Variants in NTNG1 observed in about 807,000 individuals in gnomAD.
The protein encoded by NTNG1 is netrin G1.
Under a neutral mutation model 54.0 loss-of-function variants are expected in NTNG1, and 16 were observed. The observed-to-expected ratio is 0.30, with a 90% CI of 0.20 to 0.45. NTNG1 has a LOEUF of 0.45. Ranked by LOEUF, NTNG1 falls within the 20% of genes least tolerant of loss-of-function variation. The pLI, the probability that NTNG1 is intolerant of heterozygous loss-of-function variation, is 1.00. For synonymous variants in NTNG1, 255 were observed against 263.1 expected (o/e 0.97, Z 0.30); for missense variants, 530 against 678.7 (o/e 0.78, Z 2.43).
intron 4 of NTNG1, among the ~76,000 whole-genome samples, chr1:107,406,546 G>T (rs551420777): frequency 1.4e-4 from 21 of 152,128 alleles, no homozygotes; most frequent in Non-Finnish European, 2.8e-4. Flanking sequence ...CCAGCAAGGC[G>T]GTATAAAGCA....
chr1:107,366,898 T>C (rs1475685551), intron 3 of NTNG1, among the ~76,000 whole-genome samples: 1 of 152,210 alleles, frequency 6.6e-6, no homozygotes, highest in Non-Finnish European at 1.5e-5. Context: ...ATTTTAGTAT[T>C]CCAAGAAGCC....
At chr1:107,233,944 C>T (rs756336789) in intron 2 of NTNG1, among the ~76,000 whole-genome samples, 14 of 152,218 alleles carry the variant, frequency 9.2e-5, no homozygotes, top group Non-Finnish European at 7.4e-5. Flanking sequence ...TGCATTAGAT[C>T]GAGGGGCGGA....
chr1:107,325,047 G>A, intron 3 of NTNG1, 125 bp downstream of exon 3: 1 of 955,172 alleles, frequency 1.0e-6, no homozygotes, highest in Non-Finnish European at 1.5e-6. Flanking sequence ...GAACTCCACT[G>A]TAGAAGTAGG....
intron 2 of NTNG1, among the ~76,000 whole-genome samples, chr1:107,176,579 G>A (rs1204839758): frequency 6.6e-6 from 1 of 152,182 alleles, no homozygotes; most frequent in Non-Finnish European, 1.5e-5. Flanking sequence ...TAAGGGTGCT[G>A]TGATACTTAC....
At chr1:107,289,422 A>C (rs1665436164) in intron 2 of NTNG1, among the ~76,000 whole-genome samples, 1 of 152,144 alleles carries the variant, frequency 6.6e-6, no homozygotes, top group South Asian at 2.1e-4. Context: ...TGTTAATTTC[A>C]AAGCTTCATA....
Position 107,259,296 on chromosome 1 carries a change from A to C in NTNG1, c.247-64986A>C, listed in dbSNP as rs12058694. Among the ~76,000 whole-genome samples the C allele has an allele frequency of 4.0e-3, 612 of 152,262 alleles. 6 individuals are homozygous for C. The highest frequency in any genetic ancestry group is 0.014 in the African/African-American group (598 of 41,538). On this transcript the variant is annotated intron_variant, in intron 2 of 7. Coordinates refer to ENST00000370068, the MANE Select transcript of NTNG1 (RefSeq NM_001113226.3). ...TGCATTACTGGCTCTTTCACACTAAAGTGCCCACTAGATCAAGGTAGCAAG... is the reference window on the plus strand; with the variant it reads ...TGCATTACTGGCTCTTTCACACTAACGTGCCCACTAGATCAAGGTAGCAAG...
intron 2 of NTNG1, among the ~76,000 whole-genome samples, chr1:107,228,743 G>A (rs1660854189): frequency 6.6e-6 from 1 of 152,130 alleles, no homozygotes; most frequent in Non-Finnish European, 1.5e-5. Flanking sequence ...TACAATAATA[G>A]TGTTTCCTAA....
chr1:107,362,109 C>A (rs1306629021), intron 3 of NTNG1, among the ~76,000 whole-genome samples: 2 of 152,296 alleles, frequency 1.3e-5, no homozygotes, highest in East Asian at 3.9e-4. Flanking sequence ...ATCCAAAGAG[C>A]ACCCATCCCT....
chr1:107,280,877 T>TTTTAC (rs1027978350), intron 2 of NTNG1, among the ~76,000 whole-genome samples: 1 of 150,920 alleles, frequency 6.6e-6, no homozygotes, highest in Non-Finnish European at 1.5e-5. Context: ...TTTTATTTTA[T>TTTTAC]TTTATTTTAT....
intron 2 of NTNG1, among the ~76,000 whole-genome samples, chr1:107,217,139 C>A (rs1359630124): frequency 6.6e-6 from 1 of 152,046 alleles, no homozygotes; most frequent in East Asian, 1.9e-4. Context: ...ATTGGTCTGT[C>A]CAGAGTTTCT....
intron 3 of NTNG1, among the ~76,000 whole-genome samples, chr1:107,352,624 A>G (rs1193284558): frequency 6.6e-6 from 1 of 152,228 alleles, no homozygotes; most frequent in Non-Finnish European, 1.5e-5. Context: ...AGCCAAAAGA[A>G]AGGGGCTACA....
At chr1:107,467,204 G>A (rs1368089180) in intron 7 of NTNG1, among the ~76,000 whole-genome samples, 1 of 151,950 alleles carries the variant, frequency 6.6e-6, no homozygotes, top group Non-Finnish European at 1.5e-5. Flanking sequence ...TTTTCAAGAG[G>A]TAAGCAGCTA....
chr1:107,456,015 C>T (rs1490846843), intron 7 of NTNG1, among the ~76,000 whole-genome samples: 1 of 152,084 alleles, frequency 6.6e-6, no homozygotes, highest in Admixed American at 6.5e-5. Context: ...AGGATGCACC[C>T]ATTTCGAGAA....
chr1:107,428,016 C>T (rs1006234798), intron 5 of NTNG1, among the ~76,000 whole-genome samples: 1 of 152,024 alleles, frequency 6.6e-6, no homozygotes, highest in Non-Finnish European at 1.5e-5. Flanking sequence ...ATTTGGTTTT[C>T]TTACTCAGAT....
At chr1:107,215,567 A>G (rs1263366020) in intron 2 of NTNG1, among the ~76,000 whole-genome samples, 1 of 152,134 alleles carries the variant, frequency 6.6e-6, no homozygotes, top group Non-Finnish European at 1.5e-5. Context: ...AGGTAATGTA[A>G]TGCCTCCAGA....
intron 2 of NTNG1, among the ~76,000 whole-genome samples, chr1:107,212,573 T>G (rs1219830025): frequency 6.6e-6 from 1 of 152,180 alleles, no homozygotes; most frequent in Non-Finnish European, 1.5e-5. Context: ...TCACTGAACA[T>G]ATGAAAAGTT....
chr1:107,460,312 T>C, intron 7 of NTNG1: 1 of 503,766 alleles, frequency 2.0e-6, no homozygotes, highest in South Asian at 1.5e-5. Flanking sequence ...TCATTTACCA[T>C]GACATCGCTC....
chr1:107,362,920 C>G (rs950434396), intron 3 of NTNG1, among the ~76,000 whole-genome samples: 1 of 152,120 alleles, frequency 6.6e-6, no homozygotes, highest in Non-Finnish European at 1.5e-5. Context: ...ATATTCTGAG[C>G]AAATGTTTGA....
intron 6 of NTNG1, among the ~76,000 whole-genome samples, chr1:107,432,186 C>G (rs1177690833): frequency 1.3e-5 from 2 of 152,160 alleles, no homozygotes; most frequent in African/African-American, 4.8e-5. Context: ...GTCATTTGAG[C>G]CTTCTAGTCA....
Sources: allele counts gnomAD v4.1 joint callset (sites outside exome capture counted in the v4.1 genomes callset), GRCh38; gene constraint gnomAD v4.1.1; transcripts MANE v1.5; gene names NCBI Gene and HGNC (gene_info 2026-07-23, HGNC 2026-07-21).